SPAG16: variants seen among roughly 807,000 people sequenced by gnomAD.
The protein encoded by SPAG16 is sperm-associated antigen 16 protein.
In SPAG16, 86 loss-of-function variants were observed where a neutral mutation model predicts 80.4. The ratio of observed to expected loss-of-function variants is 1.07; its 90% CI spans 0.90 to 1.28. The LOEUF is 1.28. Ranked by LOEUF, SPAG16 falls within the 50% of genes most tolerant of loss-of-function variation. SPAG16 has a pLI of 0.00. For missense variants in SPAG16, 870 were observed against 765.3 expected, an observed-to-expected ratio of 1.14 and a Z score of -1.61; for synonymous variants, 294 against 265.9, an observed-to-expected ratio of 1.11 and a Z score of -1.03.
chr2:213,513,191 G>A (rs2075295084), intron 10 of SPAG16, among the ~76,000 whole-genome samples: 1 of 151,978 alleles, frequency 6.6e-6, no homozygotes, highest in African/African-American at 2.4e-5. Flanking sequence ...TTGCTGTTTT[G>A]TAAAGAACTT....
chr2:213,526,442 T>C (rs1194800221), intron 10 of SPAG16, among the ~76,000 whole-genome samples: 2 of 151,678 alleles, frequency 1.3e-5, no homozygotes, highest in Non-Finnish European at 2.9e-5. Flanking sequence ...GTAAAACTTA[T>C]TTTAATCAAA....
chr2:213,639,106 C>A (rs376724410), intron 10 of SPAG16, among the ~76,000 whole-genome samples: 80 of 152,280 alleles, frequency 5.3e-4, no homozygotes, highest in African/African-American at 1.9e-3. Flanking sequence ...TTTCTTCCAT[C>A]TTTTCACCTT....
chr2:213,566,425 AT>A (rs1242589487), intron 10 of SPAG16, among the ~76,000 whole-genome samples: 1 of 152,118 alleles, frequency 6.6e-6, no homozygotes, highest in Non-Finnish European at 1.5e-5. Context: ...ACCCCCTTCA[AT>A]TTTTTTATTC....
intron 10 of SPAG16, among the ~76,000 whole-genome samples, chr2:213,612,292 A>G (rs1001279086): frequency 3.9e-5 from 6 of 152,196 alleles, no homozygotes; most frequent in African/African-American, 9.6e-5. Context: ...CACTATTAAT[A>G]TGTTTTACAC....
Position 213,703,489 on chromosome 2 carries a change from G to T in SPAG16, c.1071-158996G>T, listed in dbSNP as rs572900366. Among the ~76,000 whole-genome samples, 3 of 152,278 alleles carry T rather than the reference G, an allele frequency of 2.0e-5. No individual in the cohort carries two copies. The South Asian group carries it at 6.2e-4, about 32-fold the overall frequency. ...TAGTATAATTCACTGTATTTTTGCA[G>T]ATTCCTCAATTCCATATGGAACCCC... On this transcript the variant is annotated intron_variant, in intron 10 of 15. Coordinates refer to ENST00000331683, the MANE Select transcript of SPAG16 (RefSeq NM_024532.5).
intron 10 of SPAG16, among the ~76,000 whole-genome samples, chr2:213,742,391 G>A (rs1033091287): frequency 1.3e-5 from 2 of 151,812 alleles, no homozygotes; most frequent in Non-Finnish European, 2.9e-5. Flanking sequence ...ATTTCATTCT[G>A]TTATGATACT....
At chr2:213,693,973 T>G (rs1472710736) in intron 10 of SPAG16, among the ~76,000 whole-genome samples, 1 of 151,612 alleles carries the variant, frequency 6.6e-6, no homozygotes, top group Non-Finnish European at 1.5e-5. Context: ...GCCAGAAATA[T>G]GGATTTATCA....
intron 3 of SPAG16, among the ~76,000 whole-genome samples, chr2:213,301,639 A>G (rs1411656021): frequency 6.6e-6 from 1 of 152,104 alleles, no homozygotes; most frequent in Non-Finnish European, 1.5e-5. Context: ...GAGCTACAGC[A>G]TGCTGCTGGT....
At chr2:214,323,141 G>A (rs921807129) in intron 15 of SPAG16, among the ~76,000 whole-genome samples, 20 of 152,126 alleles carry the variant, frequency 1.3e-4, no homozygotes, top group Admixed American at 5.2e-4. Flanking sequence ...TTGATATTGC[G>A]TATTTAGTAT....
intron 10 of SPAG16, among the ~76,000 whole-genome samples, chr2:213,805,015 ATGGGC>A (rs1157563356): frequency 4.6e-5 from 7 of 152,334 alleles, no homozygotes; most frequent in Admixed American, 4.6e-4. Context: ...AATGTAGCTA[ATGGGC>A]TGTAGCTCAT....
intron 11 of SPAG16, among the ~76,000 whole-genome samples, chr2:213,897,358 A>G (rs1027459549): frequency 6.6e-6 from 1 of 152,164 alleles, no homozygotes; most frequent in Admixed American, 6.6e-5. Context: ...TAATTCTATA[A>G]TGAGATACTA....
intron 9 of SPAG16, among the ~76,000 whole-genome samples, chr2:213,378,927 T>G (rs1450005859): frequency 2.0e-5 from 3 of 152,202 alleles, no homozygotes; most frequent in Admixed American, 2.0e-4. Flanking sequence ...TACTCTTTGC[T>G]ACCTCCATTG....
rs566785398 is a variant in SPAG16 at position 213,819,516 on chromosome 2, G to A, written c.1071-42969G>A. On this transcript the variant is annotated intron_variant, in intron 10 of 15. Transcript: ENST00000331683. The stretch of plus-strand genomic sequence containing the variant: ...CAGGTGTTCAATTAATATTTGTTGT[G>A]AGAGTAAAGGAATAAATGCACATTC... Among the ~76,000 whole-genome samples the A allele has an allele frequency of 1.6e-4, 24 of 152,200 alleles. 2 individuals are homozygous for A. Among genetic ancestry groups the A allele is most frequent in the African/African-American group, 5.8e-4 (24 of 41,530 alleles).
chr2:213,549,274 CTTATA>C (rs1320388318), intron 10 of SPAG16, among the ~76,000 whole-genome samples: 1 of 151,804 alleles, frequency 6.6e-6, no homozygotes, highest in African/African-American at 2.4e-5. Flanking sequence ...AAAATTTTCT[CTTATA>C]TTATTTTCTC....
At chr2:213,534,448 G>A (rs866632065) in intron 10 of SPAG16, among the ~76,000 whole-genome samples, 20 of 151,928 alleles carry the variant, frequency 1.3e-4, no homozygotes, top group Non-Finnish European at 2.6e-4. Flanking sequence ...TGTTAATTAC[G>A]TCTTTCTTCA....
intron 10 of SPAG16, among the ~76,000 whole-genome samples, chr2:213,736,687 G>A (rs1170283962): frequency 2.0e-5 from 3 of 147,236 alleles, no homozygotes; most frequent in African/African-American, 7.4e-5. Context: ...TAATTGATGT[G>A]TGCATATATT....
intron 15 of SPAG16, among the ~76,000 whole-genome samples, chr2:214,344,301 A>C (rs1697918481): frequency 1.3e-5 from 2 of 152,204 alleles, no homozygotes; most frequent in African/African-American, 4.8e-5. Flanking sequence ...TTGAAATAAA[A>C]ACTGGCTTTC....
At chr2:213,728,190 A>AT (rs983155183) in intron 10 of SPAG16, among the ~76,000 whole-genome samples, 9 of 152,028 alleles carry the variant, frequency 5.9e-5, no homozygotes, top group Non-Finnish European at 1.2e-4. Flanking sequence ...TGCAATAATC[A>AT]TTTTTTCTCT....
rs529091236 is a variant in SPAG16, at chr2:213,812,903, A to G, written c.1071-49582A>G. Among the ~76,000 whole-genome samples the G allele has an allele frequency of 7.9e-5, 12 of 152,128 alleles. No individual in the cohort carries two copies. The Middle Eastern group carries it at 0.01, about 129-fold the overall frequency. The stretch of plus-strand genomic sequence containing the variant: ...GTTTCAGATAACCTGAAAGAAGGTT[A>G]TGAGGTTTGTATGTGAAAAAATAAA... On this transcript the variant is annotated intron_variant, in intron 10 of 15. Transcript: ENST00000331683.
Sources: allele counts gnomAD v4.1 joint callset (sites outside exome capture counted in the v4.1 genomes callset), GRCh38; gene constraint gnomAD v4.1.1; transcripts MANE v1.5; gene names NCBI Gene and HGNC (gene_info 2026-07-23, HGNC 2026-07-21).